The following RBFOX1 variants were observed in gnomAD, a reference collection of about 807,000 sequenced individuals.
RBFOX1 encodes RNA binding protein fox-1 homolog 1.
Under a neutral mutation model 57.7 loss-of-function variants are expected in RBFOX1, and 8 were observed. The ratio of observed to expected loss-of-function variants is 0.14; its 90% CI spans 0.08 to 0.25. RBFOX1 has a LOEUF of 0.25. Among genes scored for constraint, RBFOX1 ranks in the 10% least tolerant of loss-of-function variants. RBFOX1 has a pLI of 1.00. For synonymous variants in RBFOX1, 326 were observed against 222.4 expected (o/e 1.47, Z -4.15); for missense variants, 611 against 548.5 (o/e 1.11, Z -1.14).
intron 3 of RBFOX1, among the ~76,000 whole-genome samples, chr16:6,908,023 T>A (rs922650455): frequency 4.6e-5 from 7 of 151,740 alleles, no homozygotes; most frequent in African/African-American, 1.7e-4. Context: ...ATGGTCATAT[T>A]GGATTAGGGC....
At chr16:6,062,577 C>A (rs905222664) in intron 1 of RBFOX1, among the ~76,000 whole-genome samples, 2 of 137,688 alleles carry the variant, frequency 1.5e-5, no homozygotes, top group Admixed American at 7.5e-5. Context: ...ACATATATAT[C>A]TATAGAGATT....
rs137988823 is a variant in RBFOX1, at chr16:6,536,880, A to C, written c.-63-117723A>C. On this transcript the variant is annotated intron_variant, in intron 2 of 15. Coordinates refer to ENST00000550418, the MANE Select transcript of RBFOX1 (RefSeq NM_018723.4). ...ATAATGATAACATTTTCAGAATCTTAGAATAATTTGGAGAAGAGGATATGA... is the reference window on the plus strand; with the variant it reads ...ATAATGATAACATTTTCAGAATCTTCGAATAATTTGGAGAAGAGGATATGA... Among the ~76,000 whole-genome samples the C allele has an allele frequency of 1.5e-4, 23 of 152,352 alleles. No homozygotes were observed. The East Asian group carries it at 3.7e-3, about 24-fold the overall frequency.
chr16:7,550,858 C>T (rs1368870203), intron 5 of RBFOX1, among the ~76,000 whole-genome samples: 2 of 152,048 alleles, frequency 1.3e-5, no homozygotes, highest in East Asian at 1.9e-4. Flanking sequence ...CTTTGAGAGG[C>T]CGAGGCAGGC....
At chr16:6,631,870 G>C (rs2098389201) in intron 2 of RBFOX1, among the ~76,000 whole-genome samples, 1 of 152,078 alleles carries the variant, frequency 6.6e-6, no homozygotes, top group Non-Finnish European at 1.5e-5. Context: ...ATGCATTTGA[G>C]AAGCTGTAAG....
At position 7,091,869 on chromosome 16, in the gene RBFOX1, T is replaced by C. The variant is rs2060918227; in HGVS notation, c.27+39771T>C. ...ATGTGGATCAGAGATTATGCAGAAG[T>C]TGCAGATATAGAGTTGCTTTATTGT... On this transcript the variant is annotated intron_variant, in intron 4 of 15. Coordinates refer to ENST00000550418, the MANE Select transcript of RBFOX1 (RefSeq NM_018723.4). Among the ~76,000 whole-genome samples the C allele has an allele frequency of 2.0e-5, 3 of 152,350 alleles. No individual in the cohort carries two copies. In the South Asian group the frequency reaches 6.2e-4, roughly 32 times the overall value.
At chr16:6,588,782 C>T (rs2153985417) in intron 2 of RBFOX1, among the ~76,000 whole-genome samples, 1 of 152,294 alleles carries the variant, frequency 6.6e-6, no homozygotes, top group Middle Eastern at 3.4e-3. Context: ...GATTATTTCC[C>T]TGTCATTCAG....
chr16:6,399,670 G>T (rs13334320), intron 2 of RBFOX1, among the ~76,000 whole-genome samples: 98,229 of 152,096 alleles, frequency 0.65, 32,072 homozygotes, highest in East Asian at 0.72. Context: ...CCACATTTTT[G>T]GGTATCTTTA....
At chr16:5,938,174 A>G (rs529563188) in intron 4 of RBFOX1, among the ~76,000 whole-genome samples, 4 of 151,820 alleles carry the variant, frequency 2.6e-5, no homozygotes, top group Non-Finnish European at 4.4e-5. Context: ...ACCAAAAAAT[A>G]CTCCTTCTGG....
chr16:7,664,600 ATGTC>A (rs1321195731), intron 12 of RBFOX1, among the ~76,000 whole-genome samples: 1 of 152,120 alleles, frequency 6.6e-6, no homozygotes, highest in African/African-American at 2.4e-5. Flanking sequence ...TAAGATGCTC[ATGTC>A]TGTCTGGGCC....
intron 3 of RBFOX1, among the ~76,000 whole-genome samples, chr16:5,657,737 C>T (rs2079738): frequency 0.85 from 97,284 of 115,044 alleles, 40,804 homozygotes; most frequent in Admixed American, 0.88. Context: ...CTTTTCTTTT[C>T]TTTTTTTTTT....
chr16:6,618,871 C>G (rs1241022113), intron 2 of RBFOX1, among the ~76,000 whole-genome samples: 3 of 152,278 alleles, frequency 2.0e-5, no homozygotes, highest in Middle Eastern at 3.4e-3. Flanking sequence ...TGTGTTCACT[C>G]TTGTTGTTGT....
chr16:5,896,622 C>A (rs1032239685), intron 4 of RBFOX1, among the ~76,000 whole-genome samples: 1 of 152,178 alleles, frequency 6.6e-6, no homozygotes. Context: ...ATTACCCAGC[C>A]TCAGGTATTC....
intron 2 of RBFOX1, among the ~76,000 whole-genome samples, chr16:6,522,226 T>C (rs1367871387): frequency 2.0e-5 from 3 of 151,526 alleles, no homozygotes; most frequent in Non-Finnish European, 4.4e-5. Context: ...ATTTTATGTC[T>C]CCCAAGTAGA....
chr16:6,546,571 C>G (rs1001769287), intron 2 of RBFOX1, among the ~76,000 whole-genome samples: 1 of 152,196 alleles, frequency 6.6e-6, no homozygotes, highest in Non-Finnish European at 1.5e-5. Flanking sequence ...CTCCCTGGCT[C>G]TTTTCACATC....
chr16:7,458,531 T>G (rs1449977731), intron 4 of RBFOX1, among the ~76,000 whole-genome samples: 10 of 152,226 alleles, frequency 6.6e-5, no homozygotes, highest in Admixed American at 5.9e-4. Flanking sequence ...TTGTCATTGT[T>G]AAAGGAAAAA....
intron 3 of RBFOX1, among the ~76,000 whole-genome samples, chr16:5,830,517 C>G (rs113597509): frequency 6.6e-6 from 1 of 152,042 alleles, no homozygotes; most frequent in East Asian, 1.9e-4. Flanking sequence ...GGGTATGACC[C>G]TCGGGAGAAA....
chr16:6,344,989 A>G (rs905224730), intron 2 of RBFOX1, among the ~76,000 whole-genome samples: 7 of 152,106 alleles, frequency 4.6e-5, no homozygotes, highest in Admixed American at 3.3e-4. Flanking sequence ...CTTTGTGAGC[A>G]TCAAGTCTGT....
intron 1 of RBFOX1, among the ~76,000 whole-genome samples, chr16:5,397,058 G>A (rs910837289): frequency 6.6e-6 from 1 of 152,172 alleles, no homozygotes; most frequent in Admixed American, 6.5e-5. Context: ...AATAGGCTCT[G>A]GGGAAGAGCA....
chr16:7,026,489 G>T (rs1385786203), intron 3 of RBFOX1, among the ~76,000 whole-genome samples: 1 of 151,702 alleles, frequency 6.6e-6, no homozygotes, highest in Non-Finnish European at 1.5e-5. Flanking sequence ...CTTCCAATCT[G>T]CCTCTTTTCT....
Sources: gnomAD v4.1 joint callset for allele counts (sites outside exome capture counted in the v4.1 genomes callset) on GRCh38, gnomAD v4.1.1 for gene constraint, MANE v1.5 for transcripts, NCBI Gene and HGNC (gene_info 2026-07-23, HGNC 2026-07-21) for gene names.